SVOP: variants seen among roughly 807,000 people sequenced by gnomAD.
SVOP encodes the protein SV2 related protein.
Under a neutral mutation model 69.1 loss-of-function variants are expected in SVOP, and 17 were observed. The observed-to-expected ratio is 0.25, with a 90% confidence interval of 0.17 to 0.37. The LOEUF (loss-of-function observed/expected upper bound fraction) is 0.37, where lower values mean the gene tolerates loss of function less well. Ranked by LOEUF, SVOP falls within the 10% of genes least tolerant of loss-of-function variation. SVOP has a pLI of 1.00. For missense variants in SVOP, 435 were observed against 597.5 expected, an observed-to-expected ratio of 0.73 and a Z score of 2.84; for synonymous variants, 238 against 238.6, an observed-to-expected ratio of 1.00 and a Z score of 0.02.
At chr12:108,963,245 T>C (rs142620000) in intron 5 of SVOP, among the ~76,000 whole-genome samples, 7,715 of 152,144 alleles carry the variant, frequency 0.051, 573 homozygotes, top group African/African-American at 0.16. Flanking sequence ...GTATGAAACA[T>C]ACTGATTTTT....
chr12:109,010,076 A>G (rs1466262518), intron 1 of SVOP, among the ~76,000 whole-genome samples: 1 of 150,208 alleles, frequency 6.7e-6, no homozygotes, highest in Non-Finnish European at 1.5e-5. Context: ...GTGAGCCATG[A>G]TCATGCCACT....
intron 6 of SVOP, among the ~76,000 whole-genome samples, chr12:108,959,752 C>T (rs367777544): frequency 6.6e-6 from 1 of 152,190 alleles, no homozygotes; most frequent in East Asian, 1.9e-4. Flanking sequence ...TGGTTCACTT[C>T]CTAGAAAATG....
At chr12:108,930,455 T>A (rs1410099166) in intron 11 of SVOP, among the ~76,000 whole-genome samples, 1 of 116,188 alleles carries the variant, frequency 8.6e-6, no homozygotes, top group Non-Finnish European at 1.9e-5. Flanking sequence ...TTTTTTTTTT[T>A]TAGAGAGAAT....
At chr12:108,931,759 G>A (rs1215442131) in intron 11 of SVOP, among the ~76,000 whole-genome samples, 3 of 151,738 alleles carry the variant, frequency 2.0e-5, no homozygotes, top group Non-Finnish European at 4.4e-5. Flanking sequence ...ACTTGAACCC[G>A]GGAGGTGGAG....
intron 6 of SVOP, among the ~76,000 whole-genome samples, chr12:108,955,863 T>C (rs1167290355): frequency 1.3e-5 from 2 of 152,204 alleles, no homozygotes; most frequent in Non-Finnish European, 2.9e-5. Context: ...GAGGTGGGGA[T>C]GTTGTTGTTC....
At chr12:109,010,837 C>T (rs750120174) in intron 1 of SVOP, among the ~76,000 whole-genome samples, 18 of 151,982 alleles carry the variant, frequency 1.2e-4, no homozygotes, top group African/African-American at 1.7e-4. Flanking sequence ...AACATACATT[C>T]TTCAGAGGTG....
chr12:108,941,802 C>T (rs990300968), intron 7 of SVOP, among the ~76,000 whole-genome samples: 1 of 152,092 alleles, frequency 6.6e-6, no homozygotes, highest in South Asian at 2.1e-4. Context: ...GCTGGGATTA[C>T]AGGCGCCCCC....
chr12:108,965,427 A>T (rs2040039562), intron 5 of SVOP, among the ~76,000 whole-genome samples: 1 of 152,178 alleles, frequency 6.6e-6, no homozygotes. Flanking sequence ...CACAGCAAGG[A>T]TGGGGGCCTG....
At chr12:108,994,423 G>A (rs1593202975) in intron 1 of SVOP, among the ~76,000 whole-genome samples, 1 of 152,286 alleles carries the variant, frequency 6.6e-6, no homozygotes, top group Middle Eastern at 3.4e-3. Context: ...GAACCCGGGA[G>A]GCAGAGGTTG....
intron 11 of SVOP, among the ~76,000 whole-genome samples, chr12:108,933,531 A>C (rs1407843763): frequency 1.3e-5 from 2 of 151,198 alleles, no homozygotes; most frequent in Admixed American, 6.6e-5. Flanking sequence ...AAATACAAAA[A>C]TTAGCCAGAC....
chr12:108,956,420 G>C (rs1040072448), intron 6 of SVOP, among the ~76,000 whole-genome samples: 4 of 152,228 alleles, frequency 2.6e-5, no homozygotes, highest in African/African-American at 9.6e-5. Context: ...TGAGGGGGTG[G>C]GCGCTCTAGC....
At chr12:108,993,136 T>A (rs774412731) in intron 1 of SVOP, among the ~76,000 whole-genome samples, 65 of 152,086 alleles carry the variant, frequency 4.3e-4, no homozygotes, top group Middle Eastern at 3.2e-3. Context: ...GGCTCCCAAG[T>A]AGCTGGGATT....
At chr12:108,983,310 C>A (rs2040152127) in intron 2 of SVOP, among the ~76,000 whole-genome samples, 1 of 151,046 alleles carries the variant, frequency 6.6e-6, no homozygotes, top group Non-Finnish European at 1.5e-5. Flanking sequence ...ACCATCATCA[C>A]CACCACCATC....
chr12:109,008,519 G>A (rs1403123491), intron 1 of SVOP, among the ~76,000 whole-genome samples: 1 of 152,144 alleles, frequency 6.6e-6, no homozygotes, highest in African/African-American at 2.4e-5. Context: ...CCGTCAACCT[G>A]AATAGCAATG....
chr12:109,019,079 T>TA (rs1454089353), intron 1 of SVOP, among the ~76,000 whole-genome samples: 8 of 152,198 alleles, frequency 5.3e-5, no homozygotes, highest in Non-Finnish European at 1.2e-4. Flanking sequence ...ATAGATAATA[T>TA]ATGTATTTAT....
intron 1 of SVOP, among the ~76,000 whole-genome samples, chr12:108,993,788 C>T (rs1435897699): frequency 6.6e-6 from 1 of 151,938 alleles, no homozygotes; most frequent in South Asian, 2.1e-4. Context: ...AGAAGCAACC[C>T]CAAAATCAAA....
chr12:109,016,021 G>T (rs368505550), intron 1 of SVOP, among the ~76,000 whole-genome samples: 78 of 152,274 alleles, frequency 5.1e-4, no homozygotes, highest in African/African-American at 1.4e-3. Context: ...GCTTCCAGGC[G>T]CTCCTACTAC....
chr12:108,951,824 T>C (rs1032619379), intron 6 of SVOP, among the ~76,000 whole-genome samples: 2 of 152,226 alleles, frequency 1.3e-5, no homozygotes, highest in South Asian at 2.1e-4. Context: ...TGCTCCAATA[T>C]TTTCCGTCCC....
chr12:108,914,246 T>G (rs990159048), intron 15 of SVOP, among the ~76,000 whole-genome samples: 4 of 152,148 alleles, frequency 2.6e-5, no homozygotes, highest in African/African-American at 9.7e-5. Flanking sequence ...GGGGTTTATT[T>G]TGGGGTGATG....
Sources: gnomAD v4.1 joint callset for allele counts (sites outside exome capture counted in the v4.1 genomes callset) on GRCh38, gnomAD v4.1.1 for gene constraint, MANE v1.5 for transcripts, NCBI Gene and HGNC (gene_info 2026-07-23, HGNC 2026-07-21) for gene names.